HHIPL1: variants seen among roughly 807,000 people sequenced by gnomAD.
The protein encoded by HHIPL1 is HHIP-like protein 1.
A neutral mutation model predicts 61.8 loss-of-function variants in HHIPL1; 43 were observed. The ratio of observed to expected loss-of-function variants is 0.70; its 90% CI spans 0.55 to 0.90. The LOEUF (loss-of-function observed/expected upper bound fraction) is 0.90. HHIPL1 is among the 40% of genes least tolerant of loss of function. The probability of loss-of-function intolerance (pLI) is 0.00; values close to 1 mark genes in which losing one functional copy is unlikely to be tolerated. For missense variants in HHIPL1, 1,056 were observed against 1,157.7 expected (o/e 0.91, Z 1.28); for synonymous variants, 482 against 515.8 (o/e 0.93, Z 0.89).
chr14:99,659,349 C>T (rs2056101762), intron 3 of HHIPL1, 79 bp from the exon 4 acceptor site: 3 of 1,208,844 alleles, frequency 2.5e-6, no homozygotes, highest in Admixed American at 7.9e-5. Flanking sequence ...CAGCCGGCGC[C>T]CCAGCACCTG....
chr14:99,666,985 C>G (rs1321387539), intron 6 of HHIPL1, among the ~76,000 whole-genome samples: 1 of 152,210 alleles, frequency 6.6e-6, no homozygotes, highest in Non-Finnish European at 1.5e-5. Context: ...CTTCTCAGAC[C>G]CCACCCCCAT....
In HHIPL1 at chr14:99,660,169, G is replaced by C; in HGVS notation, c.1376-111G>C. ...GGCACGCCAGCCCTGCTGTGGGCAC[G>C]CCCCTCCCTCCGTGGCCGCCCCACC... On this transcript the variant is annotated intron_variant, in intron 4 of 8. Transcript: ENST00000330710. The surrounding 1 kb of genome is among the most constrained non-coding windows in gnomAD (Gnocchi z 4.9). The C allele has an allele frequency of 8.1e-7, 1 of 1,231,022 alleles. No individual in the cohort carries two copies. The highest frequency in any genetic ancestry group is 1.1e-6 in the Non-Finnish European group (1 of 884,238). 76.3% of individuals were successfully genotyped at this position (1,231,022 alleles called of 1,614,324 possible).
the HHIPL1 span, among the ~76,000 whole-genome samples, chr14:99,626,267 G>GTGTGT: frequency 1.0e-3 from 150 of 147,576 alleles, 1 homozygote; most frequent in African/African-American, 3.5e-3. Flanking sequence ...GGTGTAGCGG[G>GTGTGT]GTGTGTGTGT....
chr14:99,645,108 G>A (rs1266506804), upstream of HHIPL1: 3 of 1,088,224 alleles, frequency 2.8e-6, no homozygotes, highest in South Asian at 8.1e-5. Context: ...GGCCCTGCGT[G>A]TAGGGAAGGG....
the HHIPL1 span, among the ~76,000 whole-genome samples, chr14:99,638,088 T>A: frequency 6.6e-6 from 1 of 152,232 alleles, no homozygotes; most frequent in African/African-American, 2.4e-5. Context: ...TTGGTAATTT[T>A]TCCATAAGGA....
chr14:99,657,458 G>A (rs576548902), intron 3 of HHIPL1, among the ~76,000 whole-genome samples: 56 of 152,304 alleles, frequency 3.7e-4, no homozygotes, highest in African/African-American at 1.2e-3. Context: ...GGGCAGATGG[G>A]ATTTTCTCTA....
intron 5 of HHIPL1, 120 bp from the exon 6 acceptor site, chr14:99,662,756 T>TGGAGGGAAGAAG (rs2056172153): frequency 1.1e-6 from 1 of 905,226 alleles, no homozygotes; most frequent in Non-Finnish European, 1.7e-6. Flanking sequence ...GGTGGAAGGA[T>TGGAGGGAAGAAG]GGAGGGAAGA....
intron 1 of HHIPL1, among the ~76,000 whole-genome samples, chr14:99,646,464 T>C (rs921003426): frequency 6.6e-6 from 1 of 152,232 alleles, no homozygotes; most frequent in Non-Finnish European, 1.5e-5. Context: ...GGCAGGTCAC[T>C]GCTGCACCTC....
chr14:99,652,840 A>G lies in HHIPL1; in HGVS notation c.872A>G (p.Asp291Gly), dbSNP rs1411690096. 1 of 1,613,974 alleles carries G rather than the reference A, an allele frequency of 6.2e-7. No homozygotes were observed. The highest frequency in any genetic ancestry group is 1.3e-5 in the African/African-American group (1 of 75,056). Residue 291 changes from aspartate to glycine, a missense_variant, in exon 2 of 9, where the codon GAC becomes GGC. Coordinates refer to ENST00000330710, the MANE Select transcript of HHIPL1 (RefSeq NM_001127258.3). ...AGCGAGTTCAGAGTCTCCGAGGATG[A>G]CGAGAACGCCGTGGACCACAGCTCT... ...RISEFRVSED[D>G]ENAVDHSSER...
chr14:99,613,391 T>C, the HHIPL1 span, among the ~76,000 whole-genome samples: 4 of 151,516 alleles, frequency 2.6e-5, no homozygotes, highest in African/African-American at 9.7e-5. Context: ...AGTGGTGCCA[T>C]CTCGGCTCAC....
the HHIPL1 span, among the ~76,000 whole-genome samples, chr14:99,617,523 G>A: frequency 6.6e-6 from 1 of 152,316 alleles, no homozygotes; most frequent in Admixed American, 6.5e-5. Context: ...TCTGGGGAGT[G>A]GGGAAAGGGA....
In HHIPL1 at chr14:99,675,130, C is replaced by T. The variant is rs1426423340; in HGVS notation, c.1853C>T (p.Ala618Val). 1.8e-6 allele frequency: 2 copies of T among 1,128,188 alleles called. No homozygotes were observed. The highest frequency in any genetic ancestry group is 3.4e-5 in the South Asian group (1 of 29,838). 69.9% of individuals were successfully genotyped at this position (1,128,188 alleles called of 1,614,324 possible). ...ACACGGAGCACCCCGCGGCCTACAG[C>T]GCGGGCGCCCACGCGGGCGCCCCGC... ...PKTRSTPRPT[A>V]RAPTRAPRRG... The change falls in exon 9 of 9, where the codon GCG (alanine) becomes GTG (valine). Residue 618 changes from alanine to valine, a missense_variant. Coordinates refer to ENST00000330710, the MANE Select transcript of HHIPL1 (RefSeq NM_001127258.3). The surrounding 1 kb of genome is among the most constrained non-coding windows in gnomAD (Gnocchi z 5.4).
chr14:99,611,111 T>C, the HHIPL1 span, among the ~76,000 whole-genome samples: 1 of 152,196 alleles, frequency 6.6e-6, no homozygotes, highest in Non-Finnish European at 1.5e-5. Flanking sequence ...CCTTTACTTT[T>C]CTCCTGTTGA....
Position 99,668,847 on chromosome 14 carries a change from C to T in HHIPL1, c.1730+544C>T, listed in dbSNP as rs377111858. ...TCCCTTCTAGCTGTAAGGCCAGAAG[C>T]GCCATGCCCGGCTATGTCCCAGCTC... On this transcript the variant is annotated intron_variant, in intron 7 of 8. Coordinates refer to ENST00000330710, the MANE Select transcript of HHIPL1 (RefSeq NM_001127258.3). The surrounding 1 kb of genome is among the most constrained non-coding windows in gnomAD (Gnocchi z 4.7). 19 of 1,613,788 alleles carry T rather than the reference C, an allele frequency of 1.2e-5. No individual in the cohort carries two copies. Among genetic ancestry groups the T allele is most frequent in the Middle Eastern group, 1.6e-4 (1 of 6,084 alleles).
At chr14:99,632,541 T>C in the HHIPL1 span, among the ~76,000 whole-genome samples, 1 of 152,218 alleles carries the variant, frequency 6.6e-6, no homozygotes, top group Admixed American at 6.5e-5. Context: ...TATCACCAAG[T>C]GGTTCTGAGT....
At chr14:99,649,260 G>A (rs967785265) in intron 1 of HHIPL1, among the ~76,000 whole-genome samples, 1 of 152,190 alleles carries the variant, frequency 6.6e-6, no homozygotes, top group Non-Finnish European at 1.5e-5. Flanking sequence ...TCTGGATTGG[G>A]CTTTGGTGAA....
chr14:99,633,013 G>C, the HHIPL1 span, among the ~76,000 whole-genome samples: 1 of 148,426 alleles, frequency 6.7e-6, no homozygotes, highest in Non-Finnish European at 1.5e-5. Context: ...GGGCGAGTCT[G>C]GCCAAGTGGT....
chr14:99,679,791 A>G lies in HHIPL1; in HGVS notation c.*4165A>G, dbSNP rs1041312758. ...GTGGCATCCATGCTGGCAGCAGCCA[A>G]CTGTCTGCGACAGAGTGAGGAGGGG... On this transcript the variant is annotated 3_prime_UTR_variant, in exon 9 of 9. Coordinates refer to ENST00000330710, the MANE Select transcript of HHIPL1 (RefSeq NM_001127258.3). The G allele has an allele frequency of 2.0e-5, 3 of 152,294 alleles. No homozygotes were observed. The highest frequency in any genetic ancestry group is 3.8e-4 in the East Asian group (2 of 5,206). 9.4% of individuals were successfully genotyped at this position (152,294 alleles called of 1,614,324 possible).
chr14:99,667,185 T>A (rs2056259551), intron 6 of HHIPL1, among the ~76,000 whole-genome samples: 1 of 152,182 alleles, frequency 6.6e-6, no homozygotes, highest in Admixed American at 6.5e-5. Flanking sequence ...ATGTGTGCCT[T>A]GTGTCTGGGC....
Sources: allele counts gnomAD v4.1 joint callset (sites outside exome capture counted in the v4.1 genomes callset), GRCh38; gene constraint gnomAD v4.1.1; non-coding constraint Gnocchi (gnomAD v3.1); transcripts MANE v1.5; gene names NCBI Gene and HGNC (gene_info 2026-07-23, HGNC 2026-07-21).